Variants in COMMD10 observed in about 807,000 individuals in gnomAD.
COMMD10 encodes COMM domain-containing protein 10.
COMMD10 carries 33 observed loss-of-function variants against 28.9 expected under a neutral mutation model. The observed-to-expected ratio is 1.14, with a 90% confidence interval of 0.87 to 1.53. The LOEUF is 1.53. COMMD10 is among the 40% of genes most tolerant of loss of function. The pLI is 0.00. For missense variants in COMMD10, 310 were observed against 233.4 expected (o/e 1.33, Z -2.14); for synonymous variants, 110 against 81.7 (o/e 1.35, Z -1.87).
intron 5 of COMMD10, among the ~76,000 whole-genome samples, chr5:116,175,742 G>C (rs1753487212): frequency 6.6e-6 from 1 of 152,126 alleles, no homozygotes; most frequent in Non-Finnish European, 1.5e-5. Flanking sequence ...GAAACTTGAA[G>C]ACATTCAGCT....
intron 5 of COMMD10, among the ~76,000 whole-genome samples, chr5:116,217,224 C>T (rs1749128938): frequency 6.6e-6 from 1 of 150,840 alleles, no homozygotes; most frequent in Admixed American, 6.6e-5. Flanking sequence ...AAACTGTATC[C>T]AGCTTTATTA....
At chr5:116,138,494 A>C (rs995673981) in intron 5 of COMMD10, among the ~76,000 whole-genome samples, 3 of 151,796 alleles carry the variant, frequency 2.0e-5, no homozygotes, top group Non-Finnish European at 3.0e-5. Flanking sequence ...TAAAATACTT[A>C]AATTTTGCTA....
At chr5:116,117,506 G>T (rs1751280549) in intron 4 of COMMD10, among the ~76,000 whole-genome samples, 1 of 152,156 alleles carries the variant, frequency 6.6e-6, no homozygotes, top group African/African-American at 2.4e-5. Context: ...CTGTGGCCCA[G>T]GCTGGAGTGT....
intron 5 of COMMD10, among the ~76,000 whole-genome samples, chr5:116,238,234 T>C (rs1306523432): frequency 2.0e-5 from 3 of 152,184 alleles, no homozygotes; most frequent in Non-Finnish European, 4.4e-5. Flanking sequence ...AATAAAACTA[T>C]CAGTAAATTG....
intron 5 of COMMD10, among the ~76,000 whole-genome samples, chr5:116,278,973 A>G (rs112760039): frequency 3.6e-4 from 54 of 152,006 alleles, no homozygotes; most frequent in African/African-American, 1.3e-3. Flanking sequence ...GATATTTTCC[A>G]TATCCAATAT....
At chr5:116,254,622 T>G (rs915533238) in intron 5 of COMMD10, among the ~76,000 whole-genome samples, 1 of 151,800 alleles carries the variant, frequency 6.6e-6, no homozygotes, top group African/African-American at 2.4e-5. Flanking sequence ...GTGAGATTCT[T>G]AATCCTGAGT....
chr5:116,155,859 AT>A (rs1273339724), intron 5 of COMMD10, among the ~76,000 whole-genome samples: 1 of 152,110 alleles, frequency 6.6e-6, no homozygotes, highest in Non-Finnish European at 1.5e-5. Context: ...AATTTTCCTC[AT>A]TTAGAACCAT....
chr5:116,103,311 C>G (rs551927748), intron 4 of COMMD10, among the ~76,000 whole-genome samples: 1 of 152,328 alleles, frequency 6.6e-6, no homozygotes, highest in South Asian at 2.1e-4. Context: ...TCCTATTTCT[C>G]CACATCCTCT....
In COMMD10 at chr5:116,277,067, T is replaced by G. The variant is rs551648652; in HGVS notation, c.511-14450T>G. 7.1e-4 allele frequency among the ~76,000 whole-genome samples: 108 copies of G among 151,958 alleles called. 6 individuals carry two copies. The highest frequency in any genetic ancestry group is 2.2e-3 in the African/African-American group (91 of 41,300). ...TCCATAAAGCTGTTACCAAAAAATA[T>G]AAGTTAAATTCTCCAGTGTTGTTAT... On this transcript the variant is annotated intron_variant, in intron 5 of 6. Coordinates refer to ENST00000274458, the MANE Select transcript of COMMD10 (RefSeq NM_016144.4).
intron 5 of COMMD10, among the ~76,000 whole-genome samples, chr5:116,151,219 A>G (rs9686887): frequency 0.056 from 8,478 of 151,392 alleles, 359 homozygotes; most frequent in African/African-American, 0.12. Flanking sequence ...CCACTTGTTC[A>G]TGGTGGATAA....
chr5:116,182,012 GT>G (rs1747982729), intron 5 of COMMD10, among the ~76,000 whole-genome samples: 1 of 152,080 alleles, frequency 6.6e-6, no homozygotes, highest in South Asian at 2.1e-4. Flanking sequence ...GACAAATTAT[GT>G]AGTTGCCAGT....
intron 4 of COMMD10, among the ~76,000 whole-genome samples, chr5:116,122,297 T>G (rs1037410672): frequency 3.3e-5 from 5 of 152,196 alleles, no homozygotes; most frequent in African/African-American, 1.2e-4. Flanking sequence ...GTTGTAGATG[T>G]GTGGTGTTAT....
intron 2 of COMMD10, among the ~76,000 whole-genome samples, chr5:116,089,046 C>G (rs1423281481): frequency 6.6e-6 from 1 of 152,132 alleles, no homozygotes; most frequent in Non-Finnish European, 1.5e-5. Flanking sequence ...ATAATATATT[C>G]CTTTTTCTAA....
chr5:116,279,326 A>G (rs1751005420), intron 5 of COMMD10, among the ~76,000 whole-genome samples: 1 of 151,886 alleles, frequency 6.6e-6, no homozygotes, highest in Non-Finnish European at 1.5e-5. Context: ...ATTTTGTTAA[A>G]CTGTACTTTT....
chr5:116,277,748 T>C (rs1361706033), intron 5 of COMMD10, among the ~76,000 whole-genome samples: 1 of 151,900 alleles, frequency 6.6e-6, no homozygotes, highest in African/African-American at 2.4e-5. Flanking sequence ...GTGCACACAT[T>C]GGTTCTCTTT....
intron 4 of COMMD10, among the ~76,000 whole-genome samples, chr5:116,127,407 C>G (rs567758930): frequency 9.9e-5 from 15 of 152,202 alleles, no homozygotes; most frequent in Non-Finnish European, 2.1e-4. Context: ...ACCATGTGAC[C>G]CAGCCATCCC....
At chr5:116,221,171 C>T (rs1749245297) in intron 5 of COMMD10, among the ~76,000 whole-genome samples, 1 of 151,560 alleles carries the variant, frequency 6.6e-6, no homozygotes, top group Non-Finnish European at 1.5e-5. Context: ...ACTACAGGCA[C>T]CAGCTGGTCT....
chr5:116,222,474 T>C (rs893146045), intron 5 of COMMD10, among the ~76,000 whole-genome samples: 3 of 152,184 alleles, frequency 2.0e-5, no homozygotes, highest in Admixed American at 2.0e-4. Flanking sequence ...CATTGACTCA[T>C]CTAGTTCAGT....
intron 5 of COMMD10, among the ~76,000 whole-genome samples, chr5:116,258,561 T>G (rs532896642): frequency 6.6e-6 from 1 of 151,872 alleles, no homozygotes; most frequent in East Asian, 1.9e-4. Flanking sequence ...TCTCACTTGA[T>G]TGCTGATTAG....
Sources: allele counts gnomAD v4.1 joint callset (sites outside exome capture counted in the v4.1 genomes callset), GRCh38; gene constraint gnomAD v4.1.1; transcripts MANE v1.5; gene names NCBI Gene and HGNC (gene_info 2026-07-23, HGNC 2026-07-21).